KCNT2: variants seen among roughly 807,000 people sequenced by gnomAD.
KCNT2 encodes the protein potassium sodium-activated channel subfamily T member 2.
Under a neutral mutation model 153.8 loss-of-function variants are expected in KCNT2, and 67 were observed. That is an observed-to-expected ratio of 0.44 (90% CI 0.36 to 0.53). The LOEUF is 0.53. Among genes scored for constraint, KCNT2 ranks in the 20% least tolerant of loss-of-function variants. KCNT2 has a pLI of 0.00. For synonymous variants in KCNT2, 500 were observed against 458.8 expected (o/e 1.09, Z -1.15); for missense variants, 975 against 1,354.8 (o/e 0.72, Z 4.40).
chr1:196,385,443 T>C (rs1235011975), intron 13 of KCNT2, among the ~76,000 whole-genome samples: 3 of 152,080 alleles, frequency 2.0e-5, no homozygotes, highest in African/African-American at 4.8e-5. Flanking sequence ...ATGCAGTATA[T>C]TGTTGACTGA....
intron 1 of KCNT2, among the ~76,000 whole-genome samples, chr1:196,568,611 G>GA (rs1398361345): frequency 7.1e-6 from 1 of 141,322 alleles, no homozygotes; most frequent in Non-Finnish European, 1.6e-5. Flanking sequence ...AAAAAAAAAA[G>GA]AAAAGAAAAA....
At chr1:196,246,228 A>G (rs1299469713) in intron 26 of KCNT2, among the ~76,000 whole-genome samples, 2 of 152,138 alleles carry the variant, frequency 1.3e-5, no homozygotes, top group Non-Finnish European at 2.9e-5. Context: ...TGTATCCTAG[A>G]ATAGGAATAA....
At chr1:196,240,380 C>T (rs937689065) in intron 26 of KCNT2, among the ~76,000 whole-genome samples, 1 of 151,712 alleles carries the variant, frequency 6.6e-6, no homozygotes, top group Non-Finnish European at 1.5e-5. Flanking sequence ...TCTATTTATT[C>T]TAATAAATAA....
intron 1 of KCNT2, among the ~76,000 whole-genome samples, chr1:196,604,109 A>C (rs1459740084): frequency 1.3e-5 from 2 of 152,318 alleles, no homozygotes; most frequent in Non-Finnish European, 2.9e-5. Flanking sequence ...GCCTTGAGCT[A>C]TCTCTAATAT....
rs144679327 is a variant in KCNT2, at chr1:196,351,113, C to A, written c.1404-8885G>T. 1.8e-4 allele frequency among the ~76,000 whole-genome samples: 28 copies of A among 152,074 alleles called. No individual in the cohort carries two copies. In the South Asian group the frequency reaches 3.1e-3, roughly 17 times the overall value. On this transcript the variant is annotated intron_variant, in intron 14 of 27. Coordinates refer to ENST00000294725, the MANE Select transcript of KCNT2 (RefSeq NM_198503.5). The stretch of plus-strand genomic sequence containing the variant: ...GCTGCTTTGGTTACTGTAGCCTTGT[C>A]GTATAGTTTGAAGTTAGGTAGCGTG...
At chr1:196,315,830 C>A in intron 21 of KCNT2, 62 bp downstream of exon 21, 2 of 1,462,460 alleles carry the variant, frequency 1.4e-6, no homozygotes, top group South Asian at 2.7e-5. Flanking sequence ...GAGTCAGTGT[C>A]AAATATTTTA....
intron 20 of KCNT2, among the ~76,000 whole-genome samples, chr1:196,317,454 G>A (rs1200538744): frequency 2.0e-5 from 3 of 151,596 alleles, no homozygotes; most frequent in African/African-American, 7.3e-5. Flanking sequence ...GAAAGAGTTA[G>A]ATGGAAAATG....
chr1:196,374,916 A>C (rs1668828606), intron 13 of KCNT2, among the ~76,000 whole-genome samples: 1 of 151,834 alleles, frequency 6.6e-6, no homozygotes, highest in Non-Finnish European at 1.5e-5. Context: ...ACTGTAACAG[A>C]AAATTTGGAA....
At chr1:196,297,116 C>T (rs1660743312) in intron 22 of KCNT2, among the ~76,000 whole-genome samples, 1 of 151,372 alleles carries the variant, frequency 6.6e-6, no homozygotes, top group Admixed American at 6.6e-5. Flanking sequence ...ATCTCTCTCT[C>T]TTTCTCTCTC....
intron 8 of KCNT2, among the ~76,000 whole-genome samples, chr1:196,439,173 G>A (rs972577125): frequency 6.6e-6 from 1 of 151,818 alleles, no homozygotes; most frequent in Non-Finnish European, 1.5e-5. Context: ...AGTTTTATAT[G>A]AATGTCCACT....
intron 13 of KCNT2, among the ~76,000 whole-genome samples, chr1:196,389,159 T>C (rs79578723): frequency 0.057 from 8,725 of 151,774 alleles, 384 homozygotes; most frequent in Non-Finnish European, 0.085. Context: ...AAATGTTATA[T>C]GACTATTGTA....
At chr1:196,580,155 CAAGTA>C (rs1481305417) in intron 1 of KCNT2, among the ~76,000 whole-genome samples, 2 of 152,060 alleles carry the variant, frequency 1.3e-5, no homozygotes, top group Non-Finnish European at 2.9e-5. Context: ...ATAGGACACT[CAAGTA>C]AAGAAAGTGA....
chr1:196,310,838 C>T (rs1316904864), intron 21 of KCNT2, among the ~76,000 whole-genome samples: 1 of 151,766 alleles, frequency 6.6e-6, no homozygotes, highest in Non-Finnish European at 1.5e-5. Flanking sequence ...CAATGATTTC[C>T]TATTATTCTT....
At chr1:196,565,003 C>T (rs1449206023) in intron 1 of KCNT2, among the ~76,000 whole-genome samples, 1 of 149,642 alleles carries the variant, frequency 6.7e-6, no homozygotes, top group East Asian at 2.0e-4. Flanking sequence ...CCCAGGAAAA[C>T]AATCAACAGA....
chr1:196,547,266 C>G lies in KCNT2; in HGVS notation c.96-54925G>C, dbSNP rs569626913. On this transcript the variant is annotated intron_variant, in intron 1 of 27. Coordinates refer to ENST00000294725, the MANE Select transcript of KCNT2 (RefSeq NM_198503.5). ...AAGTACTATTAGTGAGACAATTATACCCCTAAATAGGAATAAACTCAAACG... is the reference window on the plus strand; with the variant it reads ...AAGTACTATTAGTGAGACAATTATAGCCCTAAATAGGAATAAACTCAAACG... Among the ~76,000 whole-genome samples, 3 of 151,866 alleles carry G rather than the reference C, an allele frequency of 2.0e-5. No homozygotes were observed. The South Asian group carries it at 6.2e-4, about 32-fold the overall frequency.
chr1:196,398,341 A>G (rs1671123614), intron 13 of KCNT2, among the ~76,000 whole-genome samples: 2 of 151,526 alleles, frequency 1.3e-5, no homozygotes, highest in Admixed American at 1.3e-4. Flanking sequence ...TACTAAAATC[A>G]CCAAGTTATA....
intron 26 of KCNT2, among the ~76,000 whole-genome samples, chr1:196,255,506 C>T (rs1473995192): frequency 6.6e-6 from 1 of 151,710 alleles, no homozygotes; most frequent in African/African-American, 2.4e-5. Flanking sequence ...TCCCTTGGAG[C>T]TAGATGTGTT....
At chr1:196,368,358 A>C (rs1464109380) in intron 14 of KCNT2, among the ~76,000 whole-genome samples, 1 of 152,182 alleles carries the variant, frequency 6.6e-6, no homozygotes, top group Non-Finnish European at 1.5e-5. Flanking sequence ...CATTAAAAGC[A>C]AACAAAAATA....
chr1:196,422,806 T>C (rs1193417523), intron 12 of KCNT2, among the ~76,000 whole-genome samples: 1 of 152,004 alleles, frequency 6.6e-6, no homozygotes, highest in African/African-American at 2.4e-5. Flanking sequence ...TCTGTTTATA[T>C]ATGATTCATT....
Sources: gnomAD v4.1 joint callset for allele counts (sites outside exome capture counted in the v4.1 genomes callset) on GRCh38, gnomAD v4.1.1 for gene constraint, MANE v1.5 for transcripts, NCBI Gene and HGNC (gene_info 2026-07-23, HGNC 2026-07-21) for gene names.